PDIA4: variants seen among roughly 807,000 people sequenced by gnomAD.
The protein encoded by PDIA4 is protein disulfide isomerase family A member 4.
PDIA4 carries 33 observed loss-of-function variants against 62.1 expected under a neutral mutation model. That is an observed-to-expected ratio of 0.53 (90% CI 0.40 to 0.71). The LOEUF (loss-of-function observed/expected upper bound fraction) is 0.71. Ranked by LOEUF, PDIA4 falls within the 30% of genes least tolerant of loss-of-function variation. The pLI, the probability that PDIA4 is intolerant of heterozygous loss-of-function variation, is 0.00. For synonymous variants in PDIA4, 341 were observed against 324.1 expected, an observed-to-expected ratio of 1.05 and a Z score of -0.56; for missense variants, 804 against 813.6, an observed-to-expected ratio of 0.99 and a Z score of 0.14.
In PDIA4 at chr7:149,005,274, C is replaced by T. The variant is rs1405151927; in HGVS notation, c.1389G>A (p.Lys463=). The T allele has an allele frequency of 6.2e-7, 1 of 1,614,172 alleles. No homozygotes were observed. ...ADEEDYAGEV[K]DLGLSESGED... ...CCCCACTCTCGCTGAGCCCCAGGTCCTTCACCTCCCCAGCATAGTCCTCTT... is the reference window on the plus strand; with the variant it reads ...CCCCACTCTCGCTGAGCCCCAGGTCTTTCACCTCCCCAGCATAGTCCTCTT... The change falls in exon 9 of 10, where the codon AAG becomes AAA. Residue 463 remains lysine (K), a synonymous_variant. Coordinates refer to ENST00000652332, the MANE Select transcript of PDIA4 (RefSeq NM_004911.5).
intron 7 of PDIA4, 89 bp from the exon 8 acceptor site, chr7:149,006,142 C>T (rs1823751288): frequency 2.1e-6 from 3 of 1,400,774 alleles, no homozygotes; most frequent in Middle Eastern, 1.8e-4. Flanking sequence ...GGGGGAGTGG[C>T]GACTTTGAAG....
At chr7:149,025,643 A>G (rs984306028) in intron 1 of PDIA4, among the ~76,000 whole-genome samples, 3 of 152,202 alleles carry the variant, frequency 2.0e-5, no homozygotes, top group African/African-American at 7.2e-5. Context: ...AAAGCTACTT[A>G]GCGGAGGGTC....
chr7:149,028,207 G>A, intron 1 of PDIA4, 114 bp downstream of exon 1: 1 of 728,250 alleles, frequency 1.4e-6, no homozygotes, highest in Admixed American at 3.0e-5. Context: ...CCCATCACTA[G>A]TTCTGGAGCT....
intron 3 of PDIA4, 88 bp downstream of exon 3, chr7:149,018,904 G>A (rs888873242): frequency 2.9e-4 from 266 of 910,998 alleles, no homozygotes; most frequent in Middle Eastern, 2.7e-3. Context: ...TCAGTCCCTG[G>A]TACCCTCAGC....
chr7:149,023,212 T>C (rs893494816), intron 1 of PDIA4, among the ~76,000 whole-genome samples: 17 of 152,184 alleles, frequency 1.1e-4, no homozygotes, highest in Admixed American at 7.2e-4. Context: ...GGGGCCAGGC[T>C]GACATCTCCC....
At chr7:149,014,795 G>T in intron 4 of PDIA4, 109 bp downstream of exon 4, 1 of 993,804 alleles carries the variant, frequency 1.0e-6, no homozygotes, top group Non-Finnish European at 1.5e-6. Flanking sequence ...CCTACAACTC[G>T]TGCCCACCTT....
intron 1 of PDIA4, among the ~76,000 whole-genome samples, chr7:149,025,297 C>T (rs1477681926): frequency 6.6e-6 from 1 of 152,094 alleles, no homozygotes; most frequent in East Asian, 1.9e-4. Context: ...GATGACAACA[C>T]TGGGTCCTGC....
rs147762930 is a variant in PDIA4, at chr7:149,024,536, G to A, written c.89-3389C>T. Among the ~76,000 whole-genome samples, 303 of 152,232 alleles carry A rather than the reference G, an allele frequency of 2.0e-3. 1 individual carries two copies. The highest frequency in any genetic ancestry group is 6.8e-3 in the Middle Eastern group (2 of 294). On this transcript the variant is annotated intron_variant, in intron 1 of 9. Transcript: ENST00000652332. Reference sequence around the variant, plus strand: ...GGATAGAAAATACATCCAGGGCCGGGCATGGTGGCTCATGCCTGTAATCCA... The same window carrying A: ...GGATAGAAAATACATCCAGGGCCGGACATGGTGGCTCATGCCTGTAATCCA...
At chr7:149,025,088 AT>A (rs377553009) in intron 1 of PDIA4, among the ~76,000 whole-genome samples, 333 of 13,938 alleles carry the variant, frequency 0.024, 2 homozygotes, top group African/African-American at 0.026. Flanking sequence ...AAAAAAAAAT[AT>A]ATATATATAT....
chr7:149,024,180 G>A (rs28497061), intron 1 of PDIA4, among the ~76,000 whole-genome samples: 9,055 of 152,106 alleles, frequency 0.06, 636 homozygotes, highest in African/African-American at 0.17. Context: ...CCAGGAAGCA[G>A]AGGATGCAGT....
At chr7:149,012,400 T>A in intron 4 of PDIA4, 40 bp from the exon 5 acceptor site, 2 of 1,543,588 alleles carry the variant, frequency 1.3e-6, no homozygotes, top group Non-Finnish European at 1.8e-6. Flanking sequence ...CTCATTCTAG[T>A]GTGGACTCAC....
chr7:149,023,379 G>C (rs78568465), intron 1 of PDIA4, among the ~76,000 whole-genome samples: 5 of 152,182 alleles, frequency 3.3e-5, no homozygotes, highest in South Asian at 2.1e-4. Context: ...TGAATGAATC[G>C]TGTGAGGCTG....
chr7:149,005,966 T>C lies in PDIA4; in HGVS notation c.1219A>G (p.Lys407Glu), dbSNP rs781493957. The C allele has an allele frequency of 1.3e-6, 2 of 1,538,242 alleles. No homozygotes were observed. The highest frequency in any genetic ancestry group is 8.7e-7 in the Non-Finnish European group (1 of 1,153,438). ...ACCAGGGGGCGCCTGGTGTAGCGCTTAGCATCGTTTGACACCTTGCGGTGG... is the reference window on the plus strand; with the variant it reads ...ACCAGGGGGCGCCTGGTGTAGCGCTCAGCATCGTTTGACACCTTGCGGTGG... ...VGHRKVSNDA[K>E]RYTRRPLVVV... Residue 407 changes from lysine (K) to glutamate (E), a missense_variant, in exon 8 of 10, where the codon AAG (lysine) becomes GAG (glutamate). Physicochemically the swap from Lys to Glu is moderately conservative, Grantham distance 56. Transcript: ENST00000652332.
In PDIA4 at chr7:149,012,022, G is replaced by C; in HGVS notation, c.821-18C>G. 6.3e-7 allele frequency: 1 copy of C among 1,594,120 alleles called. No homozygotes were observed. Among genetic ancestry groups the C allele is most frequent in the Non-Finnish European group, 8.6e-7 (1 of 1,168,844 alleles). ...AACGATTCCTGGGAGCAGGGCACAC[G>C]CCTGAGCAGGGGCACTAAGAACTGC... On this transcript the variant is annotated intron_variant, in intron 5 of 9. Coordinates refer to ENST00000652332, the MANE Select transcript of PDIA4 (RefSeq NM_004911.5).
chr7:149,012,288 TGGA>T lies in PDIA4; in HGVS notation c.684_686del (p.Pro229del), dbSNP rs1823973102. The T allele has an allele frequency of 3.7e-6, 6 of 1,614,114 alleles. No homozygotes were observed. The highest frequency in any genetic ancestry group is 5.1e-6 in the Non-Finnish European group (6 of 1,180,010). ...TGGCGTCGACCTTTGCCAGGGGAAT[TGGA>T]GGAGAACGCTTGCTGAGCTCCTTGG... is the stretch of plus-strand genomic sequence containing the variant. On this transcript the variant is annotated inframe_deletion, in exon 5 of 10. Transcript: ENST00000652332.
At chr7:149,022,927 TA>T (rs1824406991) in intron 1 of PDIA4, among the ~76,000 whole-genome samples, 1 of 152,240 alleles carries the variant, frequency 6.6e-6, no homozygotes, top group Non-Finnish European at 1.5e-5. Flanking sequence ...CTCTTCCTTT[TA>T]AACATCCCAC....
In PDIA4 at chr7:149,012,282, G is replaced by A. The variant is rs766352902; in HGVS notation, c.693C>T (p.Pro231=). The change falls in exon 5 of 10, where the codon CCC becomes CCT. Residue 231 remains proline (P), a synonymous_variant. Transcript: ENST00000652332. Reference sequence around the variant, plus strand: ...CTGCGGTGGCGTCGACCTTTGCCAGGGGAATTGGAGGAGAACGCTTGCTGA... The same window carrying A: ...CTGCGGTGGCGTCGACCTTTGCCAGAGGAATTGGAGGAGAACGCTTGCTGA... ...KELSKRSPPI[P]LAKVDATAET... 100 of 1,614,004 alleles carry A rather than the reference G, an allele frequency of 6.2e-5. No individual in the cohort carries two copies. Among genetic ancestry groups the A allele is most frequent in the Non-Finnish European group, 8.1e-5 (96 of 1,180,030 alleles).
At chr7:149,010,496 A>C (rs1823908205) in intron 6 of PDIA4, among the ~76,000 whole-genome samples, 1 of 152,132 alleles carries the variant, frequency 6.6e-6, no homozygotes, top group African/African-American at 2.4e-5. Context: ...TCCGGTCTCA[A>C]AATAAATAAA....
chr7:149,011,825 G>T (rs753510843), intron 6 of PDIA4, 21 bp downstream of exon 6: 1 of 1,541,414 alleles, frequency 6.5e-7, no homozygotes, highest in East Asian at 2.3e-5. Flanking sequence ...ATTTTGTTCA[G>T]CCCAGAGGGC....
Sources: allele counts gnomAD v4.1 joint callset (sites outside exome capture counted in the v4.1 genomes callset), GRCh38; gene constraint gnomAD v4.1.1; transcripts MANE v1.5; gene names NCBI Gene and HGNC (gene_info 2026-07-23, HGNC 2026-07-21).